The following GALNT14 variants were observed in gnomAD, a reference collection of about 807,000 sequenced individuals.
The protein encoded by GALNT14 is polypeptide N-acetylgalactosaminyltransferase 14.
A neutral mutation model predicts 77.5 loss-of-function variants in GALNT14; 60 were observed. The observed-to-expected ratio is 0.77, with a 90% CI of 0.63 to 0.96. The LOEUF is 0.96. GALNT14 is among the 40% of genes least tolerant of loss of function. GALNT14 has a pLI of 0.00. For synonymous variants in GALNT14, 280 were observed against 281.7 expected (o/e 0.99, Z 0.06); for missense variants, 710 against 731.0 (o/e 0.97, Z 0.33).
At chr2:30,893,719 C>T in the GALNT14 span, among the ~76,000 whole-genome samples, 23 of 151,322 alleles carry the variant, frequency 1.5e-4, no homozygotes, top group East Asian at 1.2e-3. Context: ...GGAGTCGTTG[C>T]GGAGTAGGGG....
intron 1 of GALNT14, among the ~76,000 whole-genome samples, chr2:31,027,886 C>CTCTGTGTGTGTGTGTGTGTGTG (rs1553361796): frequency 7.1e-6 from 1 of 141,776 alleles, no homozygotes; most frequent in South Asian, 2.3e-4. Flanking sequence ...CAGATGTATT[C>CTCTGTGTGTGTGTGTGTGTGTG]TGTGTGTGTG....
intron 1 of GALNT14, among the ~76,000 whole-genome samples, chr2:31,096,229 T>C (rs1289348443): frequency 6.6e-6 from 1 of 152,184 alleles, no homozygotes; most frequent in Non-Finnish European, 1.5e-5. Flanking sequence ...ATCAGCTAAC[T>C]AGCAACTTAA....
Position 30,977,503 on chromosome 2 carries a change from C to A in GALNT14, c.300-11201G>T, listed in dbSNP as rs117989713. Among the ~76,000 whole-genome samples the A allele has an allele frequency of 7.9e-5, 12 of 152,324 alleles. No individual in the cohort carries two copies. The East Asian group carries it at 1.9e-3, about 25-fold the overall frequency. ...TAAAGCATAGTATCTCCCCTTGATA[C>A]TCCTAGAGCTATTTCATGATATTTT... On this transcript the variant is annotated intron_variant, in intron 2 of 14. Transcript: ENST00000349752.
intron 2 of GALNT14, among the ~76,000 whole-genome samples, chr2:30,968,746 G>A (rs1668162922): frequency 1.3e-5 from 2 of 152,220 alleles, no homozygotes; most frequent in South Asian, 4.1e-4. Flanking sequence ...GAAGATAATC[G>A]ATGATTCTTG....
At chr2:31,039,614 G>T (rs1247543403) in intron 1 of GALNT14, among the ~76,000 whole-genome samples, 2 of 152,118 alleles carry the variant, frequency 1.3e-5, no homozygotes, top group African/African-American at 4.8e-5. Flanking sequence ...CTCAACCACT[G>T]ATAGAACCTC....
intron 1 of GALNT14, chr2:31,073,061 A>C (rs2148567780): frequency 6.6e-6 from 1 of 152,296 alleles, no homozygotes; most frequent in Admixed American, 6.5e-5. Flanking sequence ...GCAAGTGGTC[A>C]CCTGGGATAG....
intron 1 of GALNT14, among the ~76,000 whole-genome samples, chr2:31,072,304 TACACACACACACACACAC>T (rs1675456406): frequency 2.6e-5 from 1 of 37,912 alleles, no homozygotes; most frequent in East Asian, 5.4e-4. Context: ...CACACACACA[TACACACACACACACACAC>T]GCATGCGGAC....
intron 1 of GALNT14, among the ~76,000 whole-genome samples, chr2:31,130,545 C>A (rs1558588822): frequency 6.6e-6 from 1 of 152,176 alleles, no homozygotes; most frequent in Non-Finnish European, 1.5e-5. Context: ...ACCTCCCACA[C>A]CACAGAGATG....
At chr2:31,060,631 C>T (rs924156010) in intron 1 of GALNT14, among the ~76,000 whole-genome samples, 9 of 152,198 alleles carry the variant, frequency 5.9e-5, no homozygotes, top group South Asian at 4.1e-4. Flanking sequence ...CACCTTTAAT[C>T]GGCTAGCGGC....
intron 3 of GALNT14, among the ~76,000 whole-genome samples, chr2:30,958,865 A>T (rs558727988): frequency 3.0e-4 from 45 of 152,182 alleles, no homozygotes; most frequent in East Asian, 2.9e-3. Context: ...CTCCCAGGCC[A>T]TCTTGCTCGT....
chr2:30,979,216 G>T (rs1292830200), intron 2 of GALNT14, among the ~76,000 whole-genome samples: 1 of 152,188 alleles, frequency 6.6e-6, no homozygotes, highest in Admixed American at 6.5e-5. Flanking sequence ...CAGACGAGAG[G>T]GGGCAGCGGC....
At chr2:31,080,356 T>G (rs1300735206) in intron 1 of GALNT14, among the ~76,000 whole-genome samples, 1 of 152,246 alleles carries the variant, frequency 6.6e-6, no homozygotes, top group Admixed American at 6.5e-5. Context: ...CAAGTCATAC[T>G]AAAATTATTT....
chr2:30,897,794 A>C, the GALNT14 span, among the ~76,000 whole-genome samples: 1 of 152,190 alleles, frequency 6.6e-6, no homozygotes, highest in African/African-American at 2.4e-5. Context: ...GGCGCAAACC[A>C]GCAGGGGACA....
At chr2:30,970,318 C>G (rs76689576) in intron 2 of GALNT14, among the ~76,000 whole-genome samples, 2,084 of 152,264 alleles carry the variant, frequency 0.014, 65 homozygotes, top group African/African-American at 0.048. Context: ...CTGGACATGT[C>G]GAGAACCAGC....
chr2:30,954,052 T>C (rs531456256), intron 6 of GALNT14, among the ~76,000 whole-genome samples: 1 of 152,142 alleles, frequency 6.6e-6, no homozygotes, highest in East Asian at 1.9e-4. Context: ...CTGCCAGTAG[T>C]GATCCTAGCT....
intron 1 of GALNT14, among the ~76,000 whole-genome samples, chr2:31,023,098 G>A (rs1176491664): frequency 1.3e-5 from 2 of 152,096 alleles, no homozygotes; most frequent in Non-Finnish European, 2.9e-5. Flanking sequence ...TGAGATATGG[G>A]AGAGTTTTCT....
chr2:30,924,251 C>T lies in GALNT14; in HGVS notation c.1248G>A (p.Glu416=), dbSNP rs752883912. 25 of 1,614,054 alleles carry T rather than the reference C, an allele frequency of 1.5e-5. No homozygotes were observed. The South Asian group carries it at 2.4e-4, about 16-fold the overall frequency. Residue 416 remains glutamate (E), a synonymous_variant, in exon 13 of 15, where the codon GAG becomes GAA. Coordinates refer to ENST00000349752, the MANE Select transcript of GALNT14 (RefSeq NM_024572.4). ...NIYPELSIPK[E]SSIQKGNIRQ... ...GGATATTGCCCTTCTGGATGGAGGACTCCTTGGGGATGCTGGAGGAGAGTC... is the reference window on the plus strand; with the variant it reads ...GGATATTGCCCTTCTGGATGGAGGATTCCTTGGGGATGCTGGAGGAGAGTC...
chr2:30,910,060 A>T (rs1450390789), downstream of GALNT14, among the ~76,000 whole-genome samples: 7 of 97,184 alleles, frequency 7.2e-5, no homozygotes, highest in African/African-American at 1.7e-4. Context: ...GGGACTGTTG[A>T]GGGGTGGGGG....
chr2:30,902,028 T>C, the GALNT14 span, among the ~76,000 whole-genome samples: 1 of 152,226 alleles, frequency 6.6e-6, no homozygotes, highest in African/African-American at 2.4e-5. Flanking sequence ...TACTACCTTT[T>C]GGCATTCAAA....
Sources: allele counts gnomAD v4.1 joint callset (sites outside exome capture counted in the v4.1 genomes callset), GRCh38; gene constraint gnomAD v4.1.1; transcripts MANE v1.5; gene names NCBI Gene and HGNC (gene_info 2026-07-23, HGNC 2026-07-21).